Variants in CROCC2 observed in about 807,000 individuals in gnomAD.
CROCC2 encodes the protein ciliary rootlet coiled-coil protein 2.
A neutral mutation model predicts 177.6 loss-of-function variants in CROCC2; 163 were observed. The ratio of observed to expected loss-of-function variants is 0.92; its 90% confidence interval spans 0.81 to 1.05. CROCC2 has a LOEUF of 1.05. Among genes scored for constraint, CROCC2 ranks in the 50% least tolerant of loss-of-function variants. The probability of loss-of-function intolerance (pLI) is 0.00; values close to 1 mark genes in which losing one functional copy is unlikely to be tolerated. For synonymous variants in CROCC2, 904 were observed against 787.3 expected (o/e 1.15, Z -2.48); for missense variants, 1,929 against 1,797.8 (o/e 1.07, Z -1.32).
chr2:240,950,394 GAGA>G lies in CROCC2; in HGVS notation c.2716_2718del (p.Lys906del). ...GGTAGCCAGATGCCAGCTGGAGCAG[GAGA>G]AGGAGCTGGTGACAAAAAGTGCAGC... On this transcript the variant is annotated inframe_deletion, in exon 18 of 32. Transcript: ENST00000690015. 6.5e-7 allele frequency: 1 copy of G among 1,550,234 alleles called. No homozygotes were observed. Among genetic ancestry groups the G allele is most frequent in the Non-Finnish European group, 8.7e-7 (1 of 1,146,846 alleles).
rs564463845 is a variant in CROCC2 at position 240,913,684 on chromosome 2, C to T, written c.79-5042C>T. On this transcript the variant is annotated intron_variant, in intron 1 of 31. Coordinates refer to ENST00000690015, the MANE Select transcript of CROCC2 (RefSeq NM_001351305.2). Reference sequence around the variant, plus strand: ...ACTGACACCCACAGAGGCATGTTCCCGCTCCTGGGTGATGCCCAGGCCCAG... The same window carrying T: ...ACTGACACCCACAGAGGCATGTTCCTGCTCCTGGGTGATGCCCAGGCCCAG... Among the ~76,000 whole-genome samples the T allele has an allele frequency of 4.9e-4, 75 of 152,370 alleles. No individual in the cohort carries two copies. In the Middle Eastern group the frequency reaches 0.01, roughly 21 times the overall value.
At chr2:240,912,178 C>A (rs537256054) in intron 1 of CROCC2, among the ~76,000 whole-genome samples, 1 of 152,234 alleles carries the variant, frequency 6.6e-6, no homozygotes, top group African/African-American at 2.4e-5. Context: ...ACTCATACCA[C>A]TTTTAACACC....
intron 21 of CROCC2, 25 bp downstream of exon 21, chr2:240,963,798 T>G: frequency 6.5e-7 from 1 of 1,542,576 alleles, no homozygotes; most frequent in Non-Finnish European, 8.8e-7. Flanking sequence ...CAGGAGCAGC[T>G]GGGGGTGCCC....
intron 14 of CROCC2, among the ~76,000 whole-genome samples, chr2:240,945,524 A>C (rs1384662841): frequency 6.6e-6 from 1 of 152,134 alleles, no homozygotes; most frequent in South Asian, 2.1e-4. Context: ...AAACTCTTAA[A>C]TGAGCAAATG....
intron 28 of CROCC2, 121 bp downstream of exon 28, chr2:240,983,150 G>C: frequency 9.3e-7 from 1 of 1,071,488 alleles, no homozygotes; most frequent in South Asian, 1.6e-5. Flanking sequence ...GGCCTAGAGA[G>C]ATGCTGGAGG....
chr2:240,925,011 G>GACCCAGCCCCCACATTA (rs143766235), intron 4 of CROCC2, among the ~76,000 whole-genome samples: 1 of 88,706 alleles, frequency 1.1e-5, no homozygotes, highest in Non-Finnish European at 2.2e-5. Context: ...CCCCCACACT[G>GACCCAGCCCCCACATTA]ACCCAGCCCC....
intron 1 of CROCC2, among the ~76,000 whole-genome samples, chr2:240,912,516 C>T (rs1001701632): frequency 7.2e-5 from 11 of 152,186 alleles, no homozygotes; most frequent in South Asian, 4.1e-4. Flanking sequence ...CAGGACTAGC[C>T]GGAAGGAGAG....
At chr2:240,969,467 T>C (rs1353323728) in intron 27 of CROCC2, among the ~76,000 whole-genome samples, 3 of 152,194 alleles carry the variant, frequency 2.0e-5, no homozygotes, top group Non-Finnish European at 4.4e-5. Flanking sequence ...TGGAAATTTC[T>C]GTTTTGGAAA....
chr2:240,930,569 A>G (rs1003820083), intron 6 of CROCC2, among the ~76,000 whole-genome samples: 2 of 152,086 alleles, frequency 1.3e-5, no homozygotes, highest in Non-Finnish European at 2.9e-5. Flanking sequence ...ACCTACCCAG[A>G]TGGAGCTTCT....
chr2:240,947,548 G>A (rs1044865833), intron 15 of CROCC2, among the ~76,000 whole-genome samples: 18 of 152,202 alleles, frequency 1.2e-4, no homozygotes, highest in Non-Finnish European at 2.5e-4. Context: ...ACGTCTGCCC[G>A]GACACACTCT....
rs762985526 is a variant in CROCC2, at chr2:240,968,251, C to T, written c.4390C>T (p.Arg1464Trp). 4 of 1,529,392 alleles carry T rather than the reference C, an allele frequency of 2.6e-6. No homozygotes were observed. Among genetic ancestry groups the T allele is most frequent in the African/African-American group, 1.4e-5 (1 of 72,774 alleles). 94.7% of individuals were successfully genotyped at this position (1,529,392 alleles called of 1,614,324 possible). A position where few individuals can be genotyped will look rare whatever the true frequency, so the allele number is the denominator to read the frequency against. Residue 1464 changes from arginine (R) to tryptophan (W), a missense_variant, in exon 27 of 32, where the codon CGG becomes TGG. Around this residue, in one of 3 missense-constraint regions of CROCC2, gnomAD observed 388 missense variants for 352.7 expected, o/e 1.10. Transcript: ENST00000690015. The part of the protein sequence containing the change: ...ASVRAAGQEK[R>W]RLQEQLETLR... ...CGTGCGTGCGGCAGGCCAGGAGAAGCGGCGGCTGCAGGTGGGGCAGGCGGC... is the reference window on the plus strand; with the variant it reads ...CGTGCGTGCGGCAGGCCAGGAGAAGTGGCGGCTGCAGGTGGGGCAGGCGGC...
intron 21 of CROCC2, 189 bp downstream of exon 21, chr2:240,963,962 G>A (rs996847697): frequency 1.7e-5 from 11 of 633,236 alleles, no homozygotes; most frequent in Middle Eastern, 4.3e-4. Context: ...TGGCCAGTGC[G>A]AGGGATGGCT....
intron 5 of CROCC2, among the ~76,000 whole-genome samples, chr2:240,926,920 C>T (rs1372703428): frequency 1.3e-5 from 2 of 152,374 alleles, no homozygotes; most frequent in African/African-American, 2.4e-5. Context: ...ACTGCCTGGT[C>T]CCTGTCCTTG....
At chr2:240,954,639 G>A (rs540544193) in intron 18 of CROCC2, 28 of 152,372 alleles carry the variant, frequency 1.8e-4, no homozygotes, top group African/African-American at 6.7e-4. Flanking sequence ...GAGTTTTATT[G>A]GGGTTTCACT....
intron 19 of CROCC2, chr2:240,957,880 C>A: frequency 1.4e-6 from 1 of 699,848 alleles, no homozygotes; most frequent in South Asian, 6.3e-5. Context: ...GGCCCAGCAG[C>A]TCTCTTGGCT....
At chr2:240,941,605 G>T (rs1269689293) in intron 14 of CROCC2, among the ~76,000 whole-genome samples, 1 of 152,208 alleles carries the variant, frequency 6.6e-6, no homozygotes, top group Non-Finnish European at 1.5e-5. Flanking sequence ...AAGAAATGGT[G>T]CTGGGATAAT....
chr2:240,975,740 T>G (rs2059756932), intron 27 of CROCC2, among the ~76,000 whole-genome samples: 1 of 146,982 alleles, frequency 6.8e-6, no homozygotes, highest in African/African-American at 2.5e-5. Context: ...TTTTTTTTTT[T>G]TTTTTTGAGA....
chr2:240,948,298 C>T (rs527478770), intron 15 of CROCC2, among the ~76,000 whole-genome samples: 7 of 152,156 alleles, frequency 4.6e-5, no homozygotes, highest in East Asian at 3.9e-4. Context: ...TGCTCTACCC[C>T]GATGAAGGGG....
intron 6 of CROCC2, 133 bp from the exon 7 acceptor site, chr2:240,930,798 C>T (rs898032342): frequency 1.2e-5 from 7 of 592,816 alleles, no homozygotes; most frequent in African/African-American, 1.9e-5. Flanking sequence ...CACATGGGAA[C>T]AATCAATGCC....
Sources: gnomAD v4.1 joint callset for allele counts (sites outside exome capture counted in the v4.1 genomes callset) on GRCh38, gnomAD v4.1.1 for gene constraint, gnomAD v4.1.1 regional missense constraint, MANE v1.5 for transcripts, NCBI Gene and HGNC (gene_info 2026-07-23, HGNC 2026-07-21) for gene names.